The following ZSCAN29 variants were observed in gnomAD, a reference collection of about 807,000 sequenced individuals.
The protein encoded by ZSCAN29 is zinc finger and SCAN domain containing 29.
ZSCAN29 carries 55 observed loss-of-function variants against 71.9 expected under a neutral mutation model. The ratio of observed to expected loss-of-function variants is 0.76; its 90% CI spans 0.62 to 0.96. The LOEUF (loss-of-function observed/expected upper bound fraction) is 0.96, where lower values mean the gene tolerates loss of function less well. ZSCAN29 is among the 40% of genes least tolerant of loss of function. The pLI is 0.00. For missense variants in ZSCAN29, 1,042 were observed against 1,042.2 expected (o/e 1.00, Z 0.00); for synonymous variants, 351 against 371.6 (o/e 0.94, Z 0.64).
Position 43,363,992 on chromosome 15 carries a change from T to A in ZSCAN29, c.1613A>T (p.Asp538Val). ...TATCTCAGTATCCTCTTCATCATCA[T>A]CAGAATCTTCCTCTGTGGCCTCGTC... The part of the protein sequence containing the change: ...EADEATEEDS[D>V]DDEEDTEIPP... Residue 538 changes from aspartate (D) to valine (V), a missense_variant, in exon 5 of 6, where the codon GAT (aspartate) becomes GTT (valine). Asp to Val is a radical substitution (Grantham distance 152). Coordinates refer to ENST00000684362, the MANE Select transcript of ZSCAN29 (RefSeq NM_001372080.1). The A allele has an allele frequency of 6.2e-7, 1 of 1,614,214 alleles. No individual in the cohort carries two copies.
In ZSCAN29 at chr15:43,364,296, G is replaced by A; in HGVS notation, c.1309C>T (p.Arg437Cys). The A allele has an allele frequency of 8.7e-6, 14 of 1,614,112 alleles. No homozygotes were observed. Among genetic ancestry groups the A allele is most frequent in the East Asian group, 2.2e-5 (1 of 44,878 alleles). Reference protein sequence around the residue: ...QFYEALRNCHRNSQLYGAVAE... With the variant: ...QFYEALRNCHCNSQLYGAVAE... Reference sequence around the variant, plus strand: ...ACTGCTCCATACAGCTGGCTGTTGCGGTGACAGTTCCGGAGGGCTTCATAA... The same window carrying A: ...ACTGCTCCATACAGCTGGCTGTTGCAGTGACAGTTCCGGAGGGCTTCATAA... Residue 437 changes from arginine (R) to cysteine (C), a missense_variant, in exon 5 of 6, where the codon CGC becomes TGC. Arg to Cys is a radical substitution (Grantham distance 180). Coordinates refer to ENST00000684362, the MANE Select transcript of ZSCAN29 (RefSeq NM_001372080.1).
In ZSCAN29 at chr15:43,366,447, C is replaced by A. The variant is rs201862875; in HGVS notation, c.885G>T (p.Leu295=). The part of the protein sequence containing the change: ...RLREYGFLRT[L]EQCRTKFKGL... ...CTTTGAACTTGGTCCGACACTGTTC[C>A]AGGGTCCGGAGGAAGCCATATTCCC... is the stretch of plus-strand genomic sequence containing the variant. The change falls in exon 4 of 6, where the codon CTG becomes CTT. Residue 295 remains leucine (L), a synonymous_variant. Coordinates refer to ENST00000684362, the MANE Select transcript of ZSCAN29 (RefSeq NM_001372080.1). The A allele has an allele frequency of 1.2e-5, 20 of 1,614,206 alleles. 1 individual carries two copies. In the Admixed American group the frequency reaches 1.8e-4, roughly 15 times the overall value.
In ZSCAN29 at chr15:43,360,439, C is replaced by T. The variant is rs890184700; in HGVS notation, c.*634G>A. ...TCACCTGAGGTCGGGAGTTTGAGAC[C>T]AGCCTGCCCAACATGGAGAAACCCC... On this transcript the variant is annotated 3_prime_UTR_variant, in exon 6 of 6. Transcript: ENST00000684362. 1.3e-5 allele frequency: 2 copies of T among 152,136 alleles called. No individual in the cohort carries two copies. Among genetic ancestry groups the T allele is most frequent in the African/African-American group, 4.8e-5 (2 of 41,366 alleles). The allele number at this position is 152,136 out of a possible 1,614,324, so 9.4% of individuals were successfully genotyped here.
chr15:43,363,352 T>C (rs1356461910), intron 5 of ZSCAN29, among the ~76,000 whole-genome samples: 1 of 152,212 alleles, frequency 6.6e-6, no homozygotes. Flanking sequence ...CATATATGAC[T>C]CTGAAATCAG....
rs1241400400 is a variant in ZSCAN29 at position 43,366,503 on chromosome 15, G to T, written c.829C>A (p.Gln277Lys). ...EALRNCHRNS[Q>K]VYGAVAERLR... ...CGCTCAGCCACAGCCCCATACACTT[G>T]GCTGTTCCTATGGCAGTTTCTGAGA... The change falls in exon 4 of 6, where the codon CAA (glutamine) becomes AAA (lysine). Residue 277 changes from glutamine (Q) to lysine (K), a missense_variant. Transcript: ENST00000684362. 1.2e-6 allele frequency: 2 copies of T among 1,614,066 alleles called. No homozygotes were observed. Among genetic ancestry groups the T allele is most frequent in the Non-Finnish European group, 1.7e-6 (2 of 1,180,034 alleles).
Position 43,361,665 on chromosome 15 carries a change from T to C in ZSCAN29, c.1967A>G (p.Tyr656Cys), listed in dbSNP as rs1449925232. ...LGERPYKYLK[Y>C]SKSFGPNSLL... Reference sequence around the variant, plus strand: ...GGAGTTTGGACCAAAGCTTTTGCTGTATTTGAGATATTTATAGGGTCTCTC... The same window carrying C: ...GGAGTTTGGACCAAAGCTTTTGCTGCATTTGAGATATTTATAGGGTCTCTC... Residue 656 changes from tyrosine (Y) to cysteine (C), a missense_variant, in exon 6 of 6, where the codon TAC becomes TGC. Coordinates refer to ENST00000684362, the MANE Select transcript of ZSCAN29 (RefSeq NM_001372080.1). 6.2e-7 allele frequency: 1 copy of C among 1,614,190 alleles called. No individual in the cohort carries two copies. Among genetic ancestry groups the C allele is most frequent in the East Asian group, 2.2e-5 (1 of 44,884 alleles).
At position 43,366,090 on chromosome 15, in the gene ZSCAN29, C is replaced by G. The variant is rs1566883370; in HGVS notation, c.1222+20G>C. Reference sequence around the variant, plus strand: ...TTCCCCAAGTCTAATTCCAAAACTCCAAGAAGAAAAGCTTCTTACCACCTG... The same window carrying G: ...TTCCCCAAGTCTAATTCCAAAACTCGAAGAAGAAAAGCTTCTTACCACCTG... On this transcript the variant is annotated intron_variant, in intron 4 of 5. Coordinates refer to ENST00000684362, the MANE Select transcript of ZSCAN29 (RefSeq NM_001372080.1). 6.4e-7 allele frequency: 1 copy of G among 1,571,620 alleles called. No individual in the cohort carries two copies. Among genetic ancestry groups the G allele is most frequent in the South Asian group, 1.2e-5 (1 of 85,308 alleles).
In ZSCAN29 at chr15:43,361,924, C is replaced by T. The variant is rs549066454; in HGVS notation, c.1708G>A (p.Glu570Lys). The T allele has an allele frequency of 1.1e-5, 17 of 1,608,358 alleles. No individual in the cohort carries two copies. The highest frequency in any genetic ancestry group is 1.4e-5 in the Non-Finnish European group (16 of 1,176,532). Reference sequence around the variant, plus strand: ...TCCCGTTTTGAATTATCTTCATTCTCAAATCCAGCTTCAAAACCTGATGTA... The same window carrying T: ...TCCCGTTTTGAATTATCTTCATTCTTAAATCCAGCTTCAAAACCTGATGTA... ...QSPRGFEAGF[E>K]NEDNSKRDIS... The change falls in exon 6 of 6, where the codon GAG becomes AAG. Residue 570 changes from glutamate to lysine, a missense_variant. Transcript: ENST00000684362.
At chr15:43,365,138 A>C (rs960670662) in intron 4 of ZSCAN29, among the ~76,000 whole-genome samples, 4 of 152,144 alleles carry the variant, frequency 2.6e-5, no homozygotes, top group Admixed American at 2.6e-4. Flanking sequence ...CACTGCTCAC[A>C]AAGGAACTGC....
chr15:43,362,677 TATGAG>T (rs985367303), intron 5 of ZSCAN29, among the ~76,000 whole-genome samples: 5 of 152,336 alleles, frequency 3.3e-5, no homozygotes, highest in Non-Finnish European at 7.3e-5. Flanking sequence ...AGCCTAGTCT[TATGAG>T]ATATTTCATG....
Position 43,366,788 on chromosome 15 carries a change from C to A in ZSCAN29, c.544G>T (p.Gly182Cys), listed in dbSNP as rs968176116. The change falls in exon 4 of 6, where the codon GGT becomes TGT. Residue 182 changes from glycine (G) to cysteine (C), a missense_variant. Transcript: ENST00000684362. ...QRSGLPFPKS[G>C]VVSRLEQGEP... ...CCTTGCTCCAACCTGGAGACCACACCGGATTTAGGAAATGGCAATCCTGCT... is the reference window on the plus strand; with the variant it reads ...CCTTGCTCCAACCTGGAGACCACACAGGATTTAGGAAATGGCAATCCTGCT... The A allele has an allele frequency of 6.2e-7, 1 of 1,610,074 alleles. No homozygotes were observed. The highest frequency in any genetic ancestry group is 8.5e-7 in the Non-Finnish European group (1 of 1,178,736).
chr15:43,368,738 A>G (rs1041191773), intron 3 of ZSCAN29, among the ~76,000 whole-genome samples, 185 bp downstream of exon 3: 12 of 152,184 alleles, frequency 7.9e-5, no homozygotes, highest in Admixed American at 2.0e-4. Flanking sequence ...GATAAAAACT[A>G]GGGAGCCATT....
At chr15:43,363,596 G>A (rs2412780) in intron 5 of ZSCAN29, among the ~76,000 whole-genome samples, 42,339 of 152,110 alleles carry the variant, frequency 0.28, 9,728 homozygotes, top group African/African-American at 0.63. Flanking sequence ...CCGTGGGTAC[G>A]TGACATGCTA....
At chr15:43,368,829 C>T (rs2044065211) in intron 3 of ZSCAN29, 94 bp downstream of exon 3, 19 of 1,188,246 alleles carry the variant, frequency 1.6e-5, no homozygotes, top group Non-Finnish European at 2.2e-5. Flanking sequence ...GCAATTTCCA[C>T]TTACTCCTGA....
rs1566883421 is a variant in ZSCAN29 at position 43,366,163 on chromosome 15, GC to G, written c.1168del (p.Ala390ArgfsTer105). ...AGCTGAGTTGGGGTCCTGGGGGGTC[GC>G]CTCTAGATCCATGTCATCACTGTCA... ...ESDSDDMDLE[A>X]TPQDPNSAAP... On this transcript the variant is annotated frameshift_variant, in exon 4 of 6. Coordinates refer to ENST00000684362, the MANE Select transcript of ZSCAN29 (RefSeq NM_001372080.1). LOFTEE classifies it high-confidence loss of function. The G allele has an allele frequency of 1.2e-6, 2 of 1,613,870 alleles. No homozygotes were observed. The highest frequency in any genetic ancestry group is 3.3e-5 in the Admixed American group (2 of 59,984).
Position 43,370,970 on chromosome 15 carries a change from C to T in ZSCAN29, c.-525G>A. On this transcript the variant is annotated 5_prime_UTR_variant, in exon 1 of 6. Coordinates refer to ENST00000684362, the MANE Select transcript of ZSCAN29 (RefSeq NM_001372080.1). ...CCAGCCTCACCCACTCGGGGTCCGA[C>T]CCTGACCCCGGCCCCGGCCCCGGCC... 3.5e-6 allele frequency: 1 copy of T among 281,746 alleles called. No homozygotes were observed. Among genetic ancestry groups the T allele is most frequent in the South Asian group, 3.3e-5 (1 of 29,986 alleles). 17.5% of individuals were successfully genotyped at this position (281,746 alleles called of 1,614,324 possible). A position where few individuals can be genotyped will look rare whatever the true frequency, so the allele number is the denominator to read the frequency against.
chr15:43,361,037 T>G lies in ZSCAN29; in HGVS notation c.*36A>C. 1 of 1,537,028 alleles carries G rather than the reference T, an allele frequency of 6.5e-7. No individual in the cohort carries two copies. The highest frequency in any genetic ancestry group is 8.7e-7 in the Non-Finnish European group (1 of 1,143,308). ...TTGGAAGACTTTCTAAACAATACAT[T>G]TATTGAGCCTCTTTCCGTTATATAT... On this transcript the variant is annotated 3_prime_UTR_variant, in exon 6 of 6. Transcript: ENST00000684362.
In ZSCAN29 at chr15:43,369,896, A is replaced by T. The variant is rs1257384546; in HGVS notation, c.18T>A (p.Ala6=). The change falls in exon 2 of 6, where the codon GCT becomes GCA. Residue 6 remains alanine, a synonymous_variant. Coordinates refer to ENST00000684362, the MANE Select transcript of ZSCAN29 (RefSeq NM_001372080.1). MMAKS[A]LRENGTNSET... Reference sequence around the variant, plus strand: ...CAGAGTTAGTGCCATTCTCTCTTAGAGCTGATTTGGCCATCATTAATAGCA... The same window carrying T: ...CAGAGTTAGTGCCATTCTCTCTTAGTGCTGATTTGGCCATCATTAATAGCA... 1 of 1,603,662 alleles carries T rather than the reference A, an allele frequency of 6.2e-7. No homozygotes were observed. Among genetic ancestry groups the T allele is most frequent in the South Asian group, 1.1e-5 (1 of 90,894 alleles).
In ZSCAN29 at chr15:43,360,608, C is replaced by G. The variant is rs1310325507; in HGVS notation, c.*465G>C. The G allele has an allele frequency of 1.3e-5, 2 of 154,782 alleles. No homozygotes were observed. The highest frequency in any genetic ancestry group is 4.9e-5 in the African/African-American group (2 of 40,800). 9.6% of individuals were successfully genotyped at this position (154,782 alleles called of 1,614,324 possible). A position where few individuals can be genotyped will look rare whatever the true frequency, so the allele number is the denominator to read the frequency against. ...TGAGATCGTGCCATTGCACTCCAGC[C>G]TGGGCAACAAGAGCAAAACTCCGTC... On this transcript the variant is annotated 3_prime_UTR_variant, in exon 6 of 6. Transcript: ENST00000684362.
Sources: gnomAD v4.1 joint callset for allele counts (sites outside exome capture counted in the v4.1 genomes callset) on GRCh38, gnomAD v4.1.1 for gene constraint, MANE v1.5 for transcripts, NCBI Gene and HGNC (gene_info 2026-07-23, HGNC 2026-07-21) for gene names.